NINL: variants seen among roughly 807,000 people sequenced by gnomAD.
NINL encodes the protein ninein like, also known as ninein-like protein.
NINL carries 153 observed loss-of-function variants against 160.3 expected under a neutral mutation model. The observed-to-expected ratio is 0.95, with a 90% CI of 0.84 to 1.09. NINL has a LOEUF of 1.09. NINL is among the 50% of genes least tolerant of loss of function. NINL has a pLI of 0.00. For missense variants in NINL, 1,829 were observed against 1,764.0 expected, an observed-to-expected ratio of 1.04 and a Z score of -0.66; for synonymous variants, 800 against 734.8, an observed-to-expected ratio of 1.09 and a Z score of -1.43.
At chr20:25,522,882 C>T (rs2064287914) in intron 2 of NINL, among the ~76,000 whole-genome samples, 1 of 152,196 alleles carries the variant, frequency 6.6e-6, no homozygotes, top group Non-Finnish European at 1.5e-5. Flanking sequence ...ATCTTAGACT[C>T]ATTCATCACA....
intron 17 of NINL, 138 bp from the exon 18 acceptor site, chr20:25,470,233 C>T: frequency 1.5e-6 from 1 of 678,374 alleles, no homozygotes; most frequent in Admixed American, 2.3e-5. Context: ...GACACCATTC[C>T]TTTCCCTCTT....
intron 1 of NINL, among the ~76,000 whole-genome samples, chr20:25,535,392 G>T (rs2064538885): frequency 6.6e-6 from 1 of 152,206 alleles, no homozygotes; most frequent in Non-Finnish European, 1.5e-5. Context: ...AAATTGCTAT[G>T]AGAGTAGATC....
chr20:25,498,145 A>AC (rs2146759770), intron 9 of NINL, 65 bp downstream of exon 9: 1 of 1,586,060 alleles, frequency 6.3e-7, no homozygotes, highest in Non-Finnish European at 8.6e-7. Context: ...TGTGTCCCAG[A>AC]CCCCCCTCCA....
Position 25,453,495 on chromosome 20 carries a change from T to G in NINL, c.4105A>C (p.Asn1369His). ...RLLEEKVRAL[N>H]KLVSRIAPAA... ...GGGGCAATCCTACTGACGAGTTTGTTGAGAGCGCGAACTTTTTCTTCCAAG... is the reference window on the plus strand; with the variant it reads ...GGGGCAATCCTACTGACGAGTTTGTGGAGAGCGCGAACTTTTTCTTCCAAG... The change falls in exon 24 of 24, where the codon AAC becomes CAC. Residue 1369 changes from asparagine (N) to histidine (H), a missense_variant. By Grantham distance (68) the Asn-to-His change is moderately conservative (BLOSUM62 1). Transcript: ENST00000278886. 6.2e-7 allele frequency: 1 copy of G among 1,613,960 alleles called. No homozygotes were observed. The highest frequency in any genetic ancestry group is 2.2e-5 in the East Asian group (1 of 44,876).
intron 21 of NINL, chr20:25,458,778 G>A (rs1039567393): frequency 4.2e-5 from 21 of 498,898 alleles, no homozygotes; most frequent in African/African-American, 2.4e-4. Context: ...AAATGGTGAC[G>A]CTGACCTCCT....
At chr20:25,457,774 C>T (rs544800977) in intron 22 of NINL, among the ~76,000 whole-genome samples, 1 of 152,316 alleles carries the variant, frequency 6.6e-6, no homozygotes, top group East Asian at 1.9e-4. Context: ...AATTAAACTC[C>T]TGCATAGGGC....
chr20:25,488,173 C>A (rs1038719114), intron 13 of NINL, among the ~76,000 whole-genome samples: 15 of 152,110 alleles, frequency 9.9e-5, no homozygotes, highest in Non-Finnish European at 1.8e-4. Flanking sequence ...TGTGGCCCAG[C>A]GGGGCAGGTG....
chr20:25,501,752 C>T (rs1001380347), intron 7 of NINL, among the ~76,000 whole-genome samples: 2 of 152,170 alleles, frequency 1.3e-5, no homozygotes, highest in African/African-American at 4.8e-5. Context: ...TCCTGCTCAG[C>T]CTCCCAAGTA....
chr20:25,477,229 C>T, intron 16 of NINL, 140 bp from the exon 17 acceptor site: 2 of 809,344 alleles, frequency 2.5e-6, no homozygotes, highest in Non-Finnish European at 1.9e-6. Context: ...CCTCCCTCAG[C>T]CCTGGCTTCA....
intron 8 of NINL, among the ~76,000 whole-genome samples, chr20:25,499,778 T>C (rs181033260): frequency 2.0e-5 from 3 of 151,950 alleles, no homozygotes; most frequent in Admixed American, 6.6e-5. Flanking sequence ...TGAGGGAATA[T>C]GACAGAGCCT....
At position 25,453,260 on chromosome 20, in the gene NINL, G is replaced by A. The variant is rs777974295; in HGVS notation, c.*191C>T. ...ATAAAAACGCCGGCTTCTGCAACAT[G>A]CATATTCCCCCAGCCCCCACCTCCA... On this transcript the variant is annotated 3_prime_UTR_variant, in exon 24 of 24. Coordinates refer to ENST00000278886, the MANE Select transcript of NINL (RefSeq NM_025176.6). 9 of 478,186 alleles carry A rather than the reference G, an allele frequency of 1.9e-5. No individual in the cohort carries two copies. The highest frequency in any genetic ancestry group is 2.9e-5 in the Non-Finnish European group (8 of 280,254). 29.6% of individuals were successfully genotyped at this position (478,186 alleles called of 1,614,324 possible). A position where few individuals can be genotyped will look rare whatever the true frequency, so the allele number is the denominator to read the frequency against.
rs758698114 is a variant in NINL at position 25,526,570 on chromosome 20, G to A, written c.18C>T (p.Asn6=). ...CTTCCCTGAGCTGCGAGACATAGTG[G>A]TTCTCTTCTTCATCCATCCCATAGC... MDEEE[N]HYVSQLREVY... is the part of the protein sequence containing the mutation. Residue 6 remains asparagine (N), a synonymous_variant, in exon 2 of 24, where the codon AAC becomes AAT. Transcript: ENST00000278886. 3.1e-6 allele frequency: 5 copies of A among 1,614,062 alleles called. No homozygotes were observed. In the South Asian group the frequency reaches 5.5e-5, roughly 18 times the overall value.
At position 25,478,986 on chromosome 20, in the gene NINL, G is replaced by A. The variant is rs142879042; in HGVS notation, c.2138C>T (p.Pro713Leu). ...GPEPEQMGLA[P>L]CCTQALCGLA... The stretch of plus-strand genomic sequence containing the variant: ...GCCACACAGTGCCTGGGTGCAGCAG[G>A]GTGCCAGGCCCATCTGCTCAGGCTC... Residue 713 changes from proline to leucine, a missense_variant, in exon 16 of 24, where the codon CCC (proline) becomes CTC (leucine). By Grantham distance (98) the Pro-to-Leu change is moderately conservative. Transcript: ENST00000278886. 15 of 1,602,672 alleles carry A rather than the reference G, an allele frequency of 9.4e-6. No homozygotes were observed. Among genetic ancestry groups the A allele is most frequent in the African/African-American group, 1.3e-5 (1 of 74,840 alleles).
chr20:25,501,874 T>A (rs2063874768), intron 7 of NINL, among the ~76,000 whole-genome samples: 1 of 152,240 alleles, frequency 6.6e-6, no homozygotes, highest in African/African-American at 2.4e-5. Flanking sequence ...AGTGATCTGC[T>A]TGCCTTGGCC....
At chr20:25,484,436 G>A (rs1027962692) in intron 13 of NINL, among the ~76,000 whole-genome samples, 3 of 152,332 alleles carry the variant, frequency 2.0e-5, no homozygotes, top group East Asian at 1.9e-4. Context: ...ATGGCAGATT[G>A]TGGGCAGGTG....
intron 1 of NINL, among the ~76,000 whole-genome samples, chr20:25,579,620 G>C (rs2147203322): frequency 6.6e-6 from 1 of 152,264 alleles, no homozygotes; most frequent in South Asian, 2.1e-4. Flanking sequence ...CTGGTGACTG[G>C]TTCAAATGGC....
At chr20:25,485,511 T>C (rs1001524675) in intron 13 of NINL, among the ~76,000 whole-genome samples, 2 of 152,344 alleles carry the variant, frequency 1.3e-5, no homozygotes, top group African/African-American at 4.8e-5. Context: ...AGGATGTGCA[T>C]ATATGACCCT....
At chr20:25,490,065 T>C in intron 11 of NINL, 80 bp from the exon 12 acceptor site, 1 of 1,242,286 alleles carries the variant, frequency 8.0e-7, no homozygotes, top group Non-Finnish European at 1.2e-6. Flanking sequence ...AGAGGCTTGC[T>C]TCTCATAGGA....
At chr20:25,495,011 T>C (rs2063723456) in intron 10 of NINL, among the ~76,000 whole-genome samples, 1 of 152,166 alleles carries the variant, frequency 6.6e-6, no homozygotes, top group Non-Finnish European at 1.5e-5. Flanking sequence ...AGGACTCAGT[T>C]TGTTTGGCTG....
Sources: gnomAD v4.1 joint callset for allele counts (sites outside exome capture counted in the v4.1 genomes callset) on GRCh38, gnomAD v4.1.1 for gene constraint, MANE v1.5 for transcripts, NCBI Gene and HGNC (gene_info 2026-07-23, HGNC 2026-07-21) for gene names.